The following LDAH variants were observed in gnomAD, a reference collection of about 807,000 sequenced individuals.
The protein encoded by LDAH is lipid droplet associated hydrolase.
LDAH carries 26 observed loss-of-function variants against 29.6 expected under a neutral mutation model. The ratio of observed to expected loss-of-function variants is 0.88; its 90% CI spans 0.64 to 1.22. The LOEUF is 1.22. LDAH is among the 50% of genes most tolerant of loss of function. The pLI, the probability that LDAH is intolerant of heterozygous loss-of-function variation, is 0.00. For missense variants in LDAH, 344 were observed against 387.3 expected, an observed-to-expected ratio of 0.89 and a Z score of 0.94; for synonymous variants, 117 against 133.0, an observed-to-expected ratio of 0.88 and a Z score of 0.83.
intron 1 of LDAH, among the ~76,000 whole-genome samples, chr2:20,821,453 C>T (rs1572707261): frequency 6.6e-6 from 1 of 152,168 alleles, no homozygotes; most frequent in Admixed American, 6.5e-5. Flanking sequence ...AGAATGAGTT[C>T]ATGTCCTTTG....
rs1391479227 is a variant in LDAH, at chr2:20,698,572, C to A, written c.786+2998G>T. The stretch of plus-strand genomic sequence containing the variant: ...GCGGGTACCTGTAATCCCAGCTACT[C>A]GGGAGGCTGAGGCAAGAAAATCGCT... On this transcript the variant is annotated intron_variant, in intron 6 of 6. Coordinates refer to ENST00000237822, the MANE Select transcript of LDAH (RefSeq NM_021925.4). This position sits in a 1 kb window ranked among gnomAD's most constrained non-coding sequence, Gnocchi z 4.4. Among the ~76,000 whole-genome samples the A allele has an allele frequency of 6.6e-6, 1 of 151,900 alleles. No homozygotes were observed. Among genetic ancestry groups the A allele is most frequent in the African/African-American group, 2.4e-5 (1 of 41,334 alleles).
At chr2:20,789,094 C>G (rs1670756207) in intron 3 of LDAH, 2 of 1,542,220 alleles carry the variant, frequency 1.3e-6, no homozygotes, top group Non-Finnish European at 8.8e-7. Context: ...GTCTGTTGTA[C>G]CTCTGCACCC....
chr2:20,689,064 CACTTATGAGTGAGA>C (rs967191422), intron 6 of LDAH, among the ~76,000 whole-genome samples: 2 of 152,020 alleles, frequency 1.3e-5, no homozygotes, highest in Non-Finnish European at 2.9e-5. Flanking sequence ...GTTCAACTCC[CACTTATGAGTGAGA>C]ACATGCCATG....
chr2:20,713,096 C>G (rs549673235), intron 5 of LDAH, among the ~76,000 whole-genome samples: 4 of 152,092 alleles, frequency 2.6e-5, no homozygotes, highest in African/African-American at 9.7e-5. Flanking sequence ...GTCAGATTCA[C>G]CAAGGTTGAA....
At chr2:20,746,437 T>C (rs1296939746) in intron 4 of LDAH, among the ~76,000 whole-genome samples, 2 of 152,130 alleles carry the variant, frequency 1.3e-5, no homozygotes, top group South Asian at 2.1e-4. Flanking sequence ...ACCAAAACAA[T>C]AAGGAAGTTC....
intron 2 of LDAH, among the ~76,000 whole-genome samples, chr2:20,793,055 C>T (rs554507405): frequency 6.6e-6 from 1 of 152,208 alleles, no homozygotes; most frequent in African/African-American, 2.4e-5. Flanking sequence ...TACTTATGTT[C>T]ATTAATTCTA....
intron 2 of LDAH, among the ~76,000 whole-genome samples, chr2:20,793,690 T>TA (rs965314445): frequency 3.9e-5 from 6 of 152,068 alleles, no homozygotes; most frequent in Admixed American, 2.0e-4. Flanking sequence ...GATTTAAATT[T>TA]AAAAAAAGTC....
chr2:20,685,763 C>T lies in LDAH; in HGVS notation c.*1140G>A, dbSNP rs1662516386. The stretch of plus-strand genomic sequence containing the variant: ...GAGGCAGCAATATTGTCAGCCCACT[C>T]TAGGCCAGGGAATATGTGTCTTCTC... On this transcript the variant is annotated 3_prime_UTR_variant, in exon 7 of 7. Coordinates refer to ENST00000237822, the MANE Select transcript of LDAH (RefSeq NM_021925.4). 1.5e-6 allele frequency: 2 copies of T among 1,363,872 alleles called. No individual in the cohort carries two copies. 84.5% of individuals were successfully genotyped at this position (1,363,872 alleles called of 1,614,324 possible).
chr2:20,815,845 G>A (rs490710), intron 1 of LDAH, among the ~76,000 whole-genome samples: 24,342 of 152,056 alleles, frequency 0.16, 4,840 homozygotes, highest in African/African-American at 0.47. Context: ...ACACTGGAAC[G>A]GGTAATAGTC....
chr2:20,809,582 T>C (rs772725855), intron 1 of LDAH, among the ~76,000 whole-genome samples: 5 of 152,152 alleles, frequency 3.3e-5, no homozygotes, highest in African/African-American at 4.8e-5. Flanking sequence ...TTAGGAAATA[T>C]ATATATACAC....
intron 1 of LDAH, among the ~76,000 whole-genome samples, chr2:20,804,697 T>C (rs1671945273): frequency 6.6e-6 from 1 of 152,212 alleles, no homozygotes; most frequent in Non-Finnish European, 1.5e-5. Flanking sequence ...TTATTGTTTA[T>C]TCTGTTAATT....
intron 2 of LDAH, 56 bp downstream of exon 2, chr2:20,801,254 C>T: frequency 6.5e-7 from 1 of 1,536,058 alleles, no homozygotes; most frequent in Non-Finnish European, 8.8e-7. Flanking sequence ...ACTTTAAAAT[C>T]AGACATAGTT....
At chr2:20,794,256 T>C (rs1237434898) in intron 2 of LDAH, among the ~76,000 whole-genome samples, 1 of 152,042 alleles carries the variant, frequency 6.6e-6, no homozygotes, top group Non-Finnish European at 1.5e-5. Context: ...AAAGACCTGC[T>C]CCCGTGATTC....
chr2:20,807,067 A>G (rs1290428598), intron 1 of LDAH, among the ~76,000 whole-genome samples: 1 of 152,098 alleles, frequency 6.6e-6, no homozygotes, highest in Non-Finnish European at 1.5e-5. Flanking sequence ...CAATCAATCA[A>G]TATCAGAAGT....
chr2:20,818,754 T>A (rs1673037469), intron 1 of LDAH, among the ~76,000 whole-genome samples: 1 of 152,064 alleles, frequency 6.6e-6, no homozygotes, highest in Non-Finnish European at 1.5e-5. Flanking sequence ...TTCCAATATT[T>A]CCCAGTCACA....
intron 2 of LDAH, among the ~76,000 whole-genome samples, chr2:20,795,270 C>T (rs1281475917): frequency 1.3e-5 from 2 of 152,152 alleles, no homozygotes; most frequent in Non-Finnish European, 2.9e-5. Flanking sequence ...CAAGTATAGA[C>T]TTATACCTTC....
At chr2:20,804,180 C>A (rs1671910029) in intron 1 of LDAH, among the ~76,000 whole-genome samples, 1 of 152,192 alleles carries the variant, frequency 6.6e-6, no homozygotes, top group African/African-American at 2.4e-5. Flanking sequence ...AGACAAGCAA[C>A]TGATGCAAGG....
intron 2 of LDAH, among the ~76,000 whole-genome samples, chr2:20,797,359 C>G (rs1054157397): frequency 6.6e-6 from 1 of 152,176 alleles, no homozygotes; most frequent in African/African-American, 2.4e-5. Context: ...GGTTTCCACT[C>G]TTCAAACAGG....
intron 1 of LDAH, among the ~76,000 whole-genome samples, chr2:20,811,610 G>A (rs1672503065): frequency 6.6e-6 from 1 of 151,586 alleles, no homozygotes; most frequent in African/African-American, 2.4e-5. Context: ...TCAGCCTCCC[G>A]AGTAGCTGGG....
Sources: allele counts gnomAD v4.1 joint callset (sites outside exome capture counted in the v4.1 genomes callset), GRCh38; gene constraint gnomAD v4.1.1; non-coding constraint Gnocchi (gnomAD v3.1); transcripts MANE v1.5; gene names NCBI Gene and HGNC (gene_info 2026-07-23, HGNC 2026-07-21).